The following SNRNP200 variants were observed in gnomAD, a reference collection of about 807,000 sequenced individuals.
The protein encoded by SNRNP200 is U5 small nuclear ribonucleoprotein 200 kDa helicase.
A neutral mutation model predicts 255.2 loss-of-function variants in SNRNP200; 66 were observed. That is an observed-to-expected ratio of 0.26 (90% confidence interval 0.21 to 0.32). The LOEUF (loss-of-function observed/expected upper bound fraction) is 0.32. Among genes scored for constraint, SNRNP200 ranks in the 10% least tolerant of loss-of-function variants. The probability of loss-of-function intolerance (pLI) is 1.00; values close to 1 mark genes in which losing one functional copy is unlikely to be tolerated. For missense variants in SNRNP200, 1,585 were observed against 2,749.8 expected (o/e 0.58, Z 9.47); for synonymous variants, 939 against 1,027.8 (o/e 0.91, Z 1.65).
Position 96,300,481 on chromosome 2 carries a change from C to A in SNRNP200, c.630+517G>T, listed in dbSNP as rs1324724097. 1.7e-4 allele frequency among the ~76,000 whole-genome samples: 26 copies of A among 152,080 alleles called. 1 individual carries two copies. The highest frequency in any genetic ancestry group is 1.7e-3 in the Admixed American group (26 of 15,276). On this transcript the variant is annotated intron_variant, in intron 5 of 44. Coordinates refer to ENST00000323853, the MANE Select transcript of SNRNP200 (RefSeq NM_014014.5). The stretch of plus-strand genomic sequence containing the variant: ...TATATTTTAAATAATTATATTGTGG[C>A]CGGGCGCAGTGGCTCACACCCGTAA...
Position 96,291,581 on chromosome 2 carries a change from G to T in SNRNP200, c.2311-79C>A. ...GGACTAAGGAAATCTCCTCCCATGA[G>T]ACCCTGCCCCTTAACTATTATGTGG... is the stretch of plus-strand genomic sequence containing the variant. On this transcript the variant is annotated intron_variant, in intron 17 of 44. Transcript: ENST00000323853. The surrounding 1 kb of genome is among the most constrained non-coding windows in gnomAD (Gnocchi z 4.2). 1.6e-6 allele frequency: 2 copies of T among 1,240,832 alleles called. No homozygotes were observed. The highest frequency in any genetic ancestry group is 2.4e-6 in the Non-Finnish European group (2 of 842,792). 76.9% of individuals were successfully genotyped at this position (1,240,832 alleles called of 1,614,324 possible).
intron 2 of SNRNP200, among the ~76,000 whole-genome samples, chr2:96,304,244 T>C (rs1047849937): frequency 1.4e-5 from 2 of 145,380 alleles, no homozygotes; most frequent in African/African-American, 5.1e-5. Flanking sequence ...CCCCAAGAAA[T>C]CTTAAAAAAA....
rs913736276 is a variant in SNRNP200, at chr2:96,280,495, T to TA, written c.5025-937dup. 8.1e-4 allele frequency among the ~76,000 whole-genome samples: 120 copies of TA among 148,072 alleles called. 1 individual carries two copies. Among genetic ancestry groups the TA allele is most frequent in the East Asian group, 4.9e-3 (25 of 5,098 alleles). ...CCTAAACGACAGAACAAGATTGTCT[T>TA]AAAAAAAAAACAACAACAAATTATG... On this transcript the variant is annotated intron_variant, in intron 35 of 44. Coordinates refer to ENST00000323853, the MANE Select transcript of SNRNP200 (RefSeq NM_014014.5).
Position 96,274,960 on chromosome 2 carries a change from A to G in SNRNP200, c.*52T>C. The stretch of plus-strand genomic sequence containing the variant: ...CAACCAGGATTCCTACAATGTACAC[A>G]TTCCTAATTCAGGCTCAACTCTCCT... On this transcript the variant is annotated 3_prime_UTR_variant, in exon 45 of 45. Coordinates refer to ENST00000323853, the MANE Select transcript of SNRNP200 (RefSeq NM_014014.5). 1 of 1,606,014 alleles carries G rather than the reference A, an allele frequency of 6.2e-7. No individual in the cohort carries two copies. Among genetic ancestry groups the G allele is most frequent in the Non-Finnish European group, 8.5e-7 (1 of 1,174,588 alleles).
At chr2:96,280,352 G>C (rs56082322) in intron 35 of SNRNP200, among the ~76,000 whole-genome samples, 2 of 152,018 alleles carry the variant, frequency 1.3e-5, no homozygotes, top group Non-Finnish European at 2.9e-5. Context: ...GGAAAAATTA[G>C]CTGGGAGTGG....
In SNRNP200 at chr2:96,278,223, T is replaced by A; in HGVS notation, c.5610+14A>T. 1.2e-6 allele frequency: 2 copies of A among 1,614,154 alleles called. No individual in the cohort carries two copies. The highest frequency in any genetic ancestry group is 1.7e-6 in the Non-Finnish European group (2 of 1,180,024). On this transcript the variant is annotated intron_variant, in intron 39 of 44. Transcript: ENST00000323853. The surrounding 1 kb of genome is among the most constrained non-coding windows in gnomAD (Gnocchi z 6.9). ...TTGTTCCCAGGATGCTCTCCTGAAG[T>A]CTGCTGTCCTCACCTGCCTCAGGAG...
Position 96,279,567 on chromosome 2 carries a change from C to G in SNRNP200, c.5025-8G>C. On this transcript the variant is annotated splice_polypyrimidine_tract_variant and splice_region_variant and intron_variant, in intron 35 of 44. Transcript: ENST00000323853. ...ATGGGGTAATCCACATAGCTGGTGA[C>G]AGAAGCAGGGAAAGAAGGAAAAGCC... 1 of 1,597,850 alleles carries G rather than the reference C, an allele frequency of 6.3e-7. No individual in the cohort carries two copies. The highest frequency in any genetic ancestry group is 8.6e-7 in the Non-Finnish European group (1 of 1,165,676).
chr2:96,292,882 C>A lies in SNRNP200; in HGVS notation c.2160+90G>T, dbSNP rs540693807. Reference sequence around the variant, plus strand: ...TGGTGATTTATGTTGTGTCTTCTCTCTTTTAATTTCTGTCAATCTTCCCCA... The same window carrying A: ...TGGTGATTTATGTTGTGTCTTCTCTATTTTAATTTCTGTCAATCTTCCCCA... On this transcript the variant is annotated intron_variant, in intron 16 of 44. Transcript: ENST00000323853. The A allele has an allele frequency of 1.1e-5, 17 of 1,479,474 alleles. 1 individual carries two copies. Among genetic ancestry groups the A allele is most frequent in the Middle Eastern group, 2.3e-4 (1 of 4,280 alleles). The allele number at this position is 1,479,474 out of a possible 1,614,324, so 91.6% of individuals were successfully genotyped here.
In SNRNP200 at chr2:96,289,927, T is replaced by A; in HGVS notation, c.2812A>T (p.Ile938Phe). 1.2e-6 allele frequency: 2 copies of A among 1,614,126 alleles called. No individual in the cohort carries two copies. The highest frequency in any genetic ancestry group is 1.7e-6 in the Non-Finnish European group (2 of 1,180,024). The change falls in exon 21 of 45, where the codon ATC (isoleucine) becomes TTC (phenylalanine). Residue 938 changes from isoleucine (I) to phenylalanine (F), a missense_variant. Physicochemically the swap from Ile to Phe is conservative, Grantham distance 21. Coordinates refer to ENST00000323853, the MANE Select transcript of SNRNP200 (RefSeq NM_014014.5). ...TCTCCCTTGAGGTCATCATGAGAGATGCCATAGAGGGTTGGGGATCGCAGC... is the reference window on the plus strand; with the variant it reads ...TCTCCCTTGAGGTCATCATGAGAGAAGCCATAGAGGGTTGGGGATCGCAGC... ...RMLRSPTLYG[I>F]SHDDLKGDPL...
At chr2:96,282,197 T>C in intron 34 of SNRNP200, 1 of 430,826 alleles carries the variant, frequency 2.3e-6, no homozygotes, top group Non-Finnish European at 4.4e-6. Context: ...CTACAGCTGA[T>C]GGACTGCTCC....
In SNRNP200 at chr2:96,277,484, A is replaced by C. The variant is rs1430822095; in HGVS notation, c.5931+55T>G. 6.2e-7 allele frequency: 1 copy of C among 1,604,138 alleles called. No individual in the cohort carries two copies. Among genetic ancestry groups the C allele is most frequent in the East Asian group, 2.2e-5 (1 of 44,864 alleles). The stretch of plus-strand genomic sequence containing the variant: ...ACCTCCCGCAACCCACGCTCGGTCC[A>C]CAACACTGGGCTCTCAGGCTCACCC... On this transcript the variant is annotated intron_variant, in intron 41 of 44. Transcript: ENST00000323853. This position sits in a 1 kb window ranked among gnomAD's most constrained non-coding sequence, Gnocchi z 4.4.
At chr2:96,296,426 G>C in intron 13 of SNRNP200, 110 bp downstream of exon 13, 1 of 1,072,220 alleles carries the variant, frequency 9.3e-7, no homozygotes, top group Non-Finnish European at 1.4e-6. Context: ...AACAATCCCA[G>C]GAGGCATGCC....
rs1400700253 is a variant in SNRNP200, at chr2:96,283,170, T to A, written c.4915+31A>T. ...TAACACCACCACTTGGTGATACCCT[T>A]GCTATGCTCCCCTTCCGTGGCCTGA... On this transcript the variant is annotated intron_variant, in intron 34 of 44. Transcript: ENST00000323853. The surrounding 1 kb of genome is among the most constrained non-coding windows in gnomAD (Gnocchi z 4.7). 2 of 1,612,896 alleles carry A rather than the reference T, an allele frequency of 1.2e-6. No homozygotes were observed. Among genetic ancestry groups the A allele is most frequent in the Non-Finnish European group, 1.7e-6 (2 of 1,180,006 alleles).
Position 96,278,157 on chromosome 2 carries a change from G to C in SNRNP200, c.5610+80C>G. ...GGGGGATGCGTATGGGCGTGTTGGT[G>C]GCAGGGATGCCATGTGCTCTGGGCA... is the stretch of plus-strand genomic sequence containing the variant. On this transcript the variant is annotated intron_variant, in intron 39 of 44. Coordinates refer to ENST00000323853, the MANE Select transcript of SNRNP200 (RefSeq NM_014014.5). The surrounding 1 kb of genome is among the most constrained non-coding windows in gnomAD (Gnocchi z 6.9). 1 of 1,607,104 alleles carries C rather than the reference G, an allele frequency of 6.2e-7. No homozygotes were observed. Among genetic ancestry groups the C allele is most frequent in the African/African-American group, 1.3e-5 (1 of 74,916 alleles).
At chr2:96,285,432 T>C (rs2063838492) in intron 29 of SNRNP200, 92 bp from the exon 30 acceptor site, 23 of 1,454,226 alleles carry the variant, frequency 1.6e-5, no homozygotes, top group Non-Finnish European at 2.1e-5. Flanking sequence ...AAGGACAACA[T>C]ACGAAATGAA....
rs1035058066 is a variant in SNRNP200 at position 96,305,540 on chromosome 2, A to T, written c.-103T>A. 19 of 1,499,200 alleles carry T rather than the reference A, an allele frequency of 1.3e-5. No homozygotes were observed. Among genetic ancestry groups the T allele is most frequent in the East Asian group, 2.3e-5 (1 of 44,120 alleles). 92.9% of individuals were successfully genotyped at this position (1,499,200 alleles called of 1,614,324 possible). A position where few individuals can be genotyped will look rare whatever the true frequency, so the allele number is the denominator to read the frequency against. ...GCCGCGCCGGAACGACGCAGGAAAG[A>T]CGCACTGGGGAAGGAAAAGAAACGG... On this transcript the variant is annotated 5_prime_UTR_variant, in exon 1 of 45. Coordinates refer to ENST00000323853, the MANE Select transcript of SNRNP200 (RefSeq NM_014014.5).
At chr2:96,285,984 T>G (rs2063841624) in intron 29 of SNRNP200, among the ~76,000 whole-genome samples, 1 of 152,230 alleles carries the variant, frequency 6.6e-6, no homozygotes, top group African/African-American at 2.4e-5. Context: ...TTATTTATCA[T>G]GATGTGGTGA....
At position 96,287,179 on chromosome 2, in the gene SNRNP200, A is replaced by G. The variant is rs915768399; in HGVS notation, c.3485-19T>C. On this transcript the variant is annotated intron_variant, in intron 26 of 44. Coordinates refer to ENST00000323853, the MANE Select transcript of SNRNP200 (RefSeq NM_014014.5). This position sits in a 1 kb window ranked among gnomAD's most constrained non-coding sequence, Gnocchi z 5.7. ...AGCTCCCCTACAAGGAAATGAGAGT[A>G]CTGAGGCTGCAGCCCAGCCTGCCTA... 5 of 1,614,020 alleles carry G rather than the reference A, an allele frequency of 3.1e-6. No homozygotes were observed. The highest frequency in any genetic ancestry group is 4.2e-6 in the Non-Finnish European group (5 of 1,180,012).
chr2:96,303,561 C>A (rs961029484), intron 2 of SNRNP200, among the ~76,000 whole-genome samples: 14 of 152,164 alleles, frequency 9.2e-5, no homozygotes, highest in Non-Finnish European at 2.9e-5. Context: ...ACTAGATGCA[C>A]TAAACATTAC....
Sources: gnomAD v4.1 joint callset for allele counts (sites outside exome capture counted in the v4.1 genomes callset) on GRCh38, gnomAD v4.1.1 for gene constraint, Gnocchi (gnomAD v3.1) non-coding constraint, MANE v1.5 for transcripts, NCBI Gene and HGNC (gene_info 2026-07-23, HGNC 2026-07-21) for gene names.